Variants in SYCP2 observed in about 807,000 individuals in gnomAD.
SYCP2 encodes synaptonemal complex lateral element protein.
SYCP2 carries 55 observed loss-of-function variants against 211.3 expected under a neutral mutation model. That is an observed-to-expected ratio of 0.26 (90% confidence interval 0.21 to 0.33). SYCP2 has a LOEUF of 0.33. Among genes scored for constraint, SYCP2 ranks in the 10% least tolerant of loss-of-function variants. SYCP2 has a pLI of 1.00. For synonymous variants in SYCP2, 570 were observed against 555.2 expected, an observed-to-expected ratio of 1.03 and a Z score of -0.37; for missense variants, 1,731 against 1,752.0, an observed-to-expected ratio of 0.99 and a Z score of 0.21.
Position 59,886,988 on chromosome 20 carries a change from A to G in SYCP2, c.2365-154T>C, listed in dbSNP as rs1176602815. Among the ~76,000 whole-genome samples, 7 of 151,580 alleles carry G rather than the reference A, an allele frequency of 4.6e-5. No individual in the cohort carries two copies. In the East Asian group the frequency reaches 1.4e-3, roughly 29 times the overall value. The stretch of plus-strand genomic sequence containing the variant: ...CTGTTTAGTAAGTTTGAGCTTTGTT[A>G]GGCATTAAAATAAGATAATTTTTTT... On this transcript the variant is annotated intron_variant, in intron 24 of 44. Coordinates refer to ENST00000357552, the MANE Select transcript of SYCP2 (RefSeq NM_014258.4).
At chr20:59,879,911 C>T (rs547891701) in intron 31 of SYCP2, among the ~76,000 whole-genome samples, 23 of 147,728 alleles carry the variant, frequency 1.6e-4, no homozygotes, top group Non-Finnish European at 3.1e-4. Context: ...TATACACACA[C>T]ACACAAATGT....
intron 31 of SYCP2, among the ~76,000 whole-genome samples, chr20:59,879,848 T>C (rs942965403): frequency 4.8e-5 from 5 of 104,260 alleles, no homozygotes; most frequent in African/African-American, 2.2e-4. Context: ...TATATATATA[T>C]ATATATATAT....
Position 59,881,030 on chromosome 20 carries a change from CA to C in SYCP2, c.2715-8del. 3 of 1,452,884 alleles carry C rather than the reference CA, an allele frequency of 2.1e-6. No individual in the cohort carries two copies. The highest frequency in any genetic ancestry group is 1.8e-4 in the Middle Eastern group (1 of 5,654). 90.0% of individuals were successfully genotyped at this position (1,452,884 alleles called of 1,614,324 possible). On this transcript the variant is annotated splice_region_variant and splice_polypyrimidine_tract_variant and intron_variant, in intron 29 of 44. Transcript: ENST00000357552. ...ATGATTCCTTGGACCTACCCTTAAACAAAAATATGTATTAATTAAAAAATAC... is the reference window on the plus strand; with the variant it reads ...ATGATTCCTTGGACCTACCCTTAAACAAAATATGTATTAATTAAAAAATAC...
intron 18 of SYCP2, among the ~76,000 whole-genome samples, chr20:59,898,922 T>C (rs2060063446): frequency 1.3e-5 from 2 of 152,154 alleles, no homozygotes; most frequent in African/African-American, 4.8e-5. Context: ...GAATACATAC[T>C]ACAGTTTTAA....
At chr20:59,879,691 T>C (rs1265948988) in intron 31 of SYCP2, among the ~76,000 whole-genome samples, 2 of 150,506 alleles carry the variant, frequency 1.3e-5, no homozygotes, top group African/African-American at 4.8e-5. Context: ...TGTGGAAAAC[T>C]TAGACCCAAA....
rs148819194 is a variant in SYCP2, at chr20:59,868,547, C to A, written c.3854G>T (p.Arg1285Leu). ...HVSGPTQHLS[R>L]KRIYIEDNLS... is the part of the protein sequence containing the mutation. The stretch of plus-strand genomic sequence containing the variant: ...ATTATCTTCTATATATATTCTTTTG[C>A]GACTAAGATGTTGGGTGGGGCCTTA... Residue 1285 changes from arginine to leucine, a missense_variant, in exon 38 of 45, where the codon CGC (arginine) becomes CTC (leucine). Coordinates refer to ENST00000357552, the MANE Select transcript of SYCP2 (RefSeq NM_014258.4). The A allele has an allele frequency of 3.7e-6, 6 of 1,602,712 alleles. No individual in the cohort carries two copies. In the Admixed American group the frequency reaches 5.2e-5, roughly 14 times the overall value.
rs547082589 is a variant in SYCP2, at chr20:59,888,896, C to T, written c.2365-2062G>A. Among the ~76,000 whole-genome samples, 7 of 151,600 alleles carry T rather than the reference C, an allele frequency of 4.6e-5. No homozygotes were observed. The South Asian group carries it at 6.3e-4, about 14-fold the overall frequency. The stretch of plus-strand genomic sequence containing the variant: ...ACAATATAATTTACATTAGCACTGC[C>T]GAAAGAAATACTTAGATGTATATCT... On this transcript the variant is annotated intron_variant, in intron 24 of 44. Coordinates refer to ENST00000357552, the MANE Select transcript of SYCP2 (RefSeq NM_014258.4).
Position 59,865,754 on chromosome 20 carries a change from T to C in SYCP2, c.4379+53A>G, listed in dbSNP as rs1050799761. ...TTTAATTTTTCAAATAGAAATTTAT[T>C]AATTTAAAAATCTAATTTTATAGAT... On this transcript the variant is annotated intron_variant, in intron 42 of 44. Transcript: ENST00000357552. 4 of 1,113,380 alleles carry C rather than the reference T, an allele frequency of 3.6e-6. No homozygotes were observed. In the African/African-American group the frequency reaches 5.0e-5, roughly 14 times the overall value. 69.0% of individuals were successfully genotyped at this position (1,113,380 alleles called of 1,614,324 possible). A position where few individuals can be genotyped will look rare whatever the true frequency, so the allele number is the denominator to read the frequency against.
At position 59,881,509 on chromosome 20, in the gene SYCP2, C is replaced by CATTAA; in HGVS notation, c.2659-18_2659-17insTTAAT. The CATTAA allele has an allele frequency of 1.5e-6, 2 of 1,313,058 alleles. No homozygotes were observed. Among genetic ancestry groups the CATTAA allele is most frequent in the Non-Finnish European group, 2.0e-6 (2 of 985,464 alleles). 81.3% of individuals were successfully genotyped at this position (1,313,058 alleles called of 1,614,324 possible). ...CTCTTGGATCTATATTGTAAATAAA[C>CATTAA]AAAAAAAAAGAGGTGTCAGTGTCAA... On this transcript the variant is annotated splice_polypyrimidine_tract_variant and intron_variant, in intron 28 of 44. Transcript: ENST00000357552.
chr20:59,901,784 T>C lies in SYCP2; in HGVS notation c.1060A>G (p.Ile354Val). 6.2e-7 allele frequency: 1 copy of C among 1,601,496 alleles called. No individual in the cohort carries two copies. Among genetic ancestry groups the C allele is most frequent in the Non-Finnish European group, 8.5e-7 (1 of 1,174,678 alleles). Residue 354 changes from isoleucine (I) to valine (V), a missense_variant, in exon 16 of 45, where the codon ATA becomes GTA. By Grantham distance (29) the Ile-to-Val change is conservative (BLOSUM62 3). Around this residue, in one of 3 missense-constraint regions of SYCP2, gnomAD observed 1,387 missense variants for 1,351.3 expected, o/e 1.03. Coordinates refer to ENST00000357552, the MANE Select transcript of SYCP2 (RefSeq NM_014258.4). ...EVRESKKLLT[I>V]ILKNTVKISK... ...ATTTTTACTGTATTTTTCAGAATTA[T>C]TGTCAGTAGCTTCTTTGATTCTCTC... is the stretch of plus-strand genomic sequence containing the variant.
chr20:59,912,176 C>A, intron 13 of SYCP2, 197 bp downstream of exon 13: 2 of 429,740 alleles, frequency 4.7e-6, no homozygotes, highest in South Asian at 6.5e-5. Context: ...CTTTATTTTT[C>A]AGTTATTCTT....
At chr20:59,886,874 A>C (rs1421135161) in intron 24 of SYCP2, 40 bp from the exon 25 acceptor site, 2 of 1,485,624 alleles carry the variant, frequency 1.3e-6, no homozygotes, top group Non-Finnish European at 9.0e-7. Flanking sequence ...TCTACCAGTT[A>C]ATCTTTAAAG....
chr20:59,923,493 AT>A lies in SYCP2; in HGVS notation c.-46-1035del, dbSNP rs199617525. On this transcript the variant is annotated intron_variant, in intron 2 of 44. Coordinates refer to ENST00000357552, the MANE Select transcript of SYCP2 (RefSeq NM_014258.4). ...CCATCTCATTTTAATAATTATGGGAATTTTTTTTTTAAATATTGTATGTTAC... is the reference window on the plus strand; with the variant it reads ...CCATCTCATTTTAATAATTATGGGAATTTTTTTTTAAATATTGTATGTTAC... Among the ~76,000 whole-genome samples the A allele has an allele frequency of 3.4e-3, 512 of 150,436 alleles. 1 individual carries two copies. Among genetic ancestry groups the A allele is most frequent in the African/African-American group, 0.01 (427 of 41,090 alleles).
chr20:59,896,661 C>A, intron 18 of SYCP2, 133 bp from the exon 19 acceptor site: 1 of 553,074 alleles, frequency 1.8e-6, no homozygotes, highest in African/African-American at 1.9e-5. Flanking sequence ...ACACAATATT[C>A]ATAAATTTCC....
At chr20:59,926,400 C>CT in intron 2 of SYCP2, among the ~76,000 whole-genome samples, 1 of 152,144 alleles carries the variant, frequency 6.6e-6, no homozygotes, top group Admixed American at 6.6e-5. Context: ...TGCCGACATT[C>CT]TTTGACTTGT....
intron 44 of SYCP2, 83 bp downstream of exon 44, chr20:59,865,305 G>T: frequency 9.3e-7 from 1 of 1,072,622 alleles, no homozygotes; most frequent in Non-Finnish European, 1.4e-6. Context: ...GAAAAAGAAA[G>T]ACATAAAAGC....
intron 16 of SYCP2, 85 bp from the exon 17 acceptor site, chr20:59,900,903 AATT>A: frequency 9.6e-7 from 1 of 1,036,620 alleles, no homozygotes; most frequent in Non-Finnish European, 1.4e-6. Context: ...CATTTAATGT[AATT>A]ATTTCCTGTT....
chr20:59,904,018 GT>G (rs2060167201), intron 15 of SYCP2, among the ~76,000 whole-genome samples: 1 of 152,168 alleles, frequency 6.6e-6, no homozygotes, highest in South Asian at 2.1e-4. Flanking sequence ...TGCTAATTCT[GT>G]TTGTAGGCTT....
At chr20:59,899,589 G>C (rs753264795) in intron 18 of SYCP2, among the ~76,000 whole-genome samples, 3 of 152,258 alleles carry the variant, frequency 2.0e-5, no homozygotes, top group Non-Finnish European at 4.4e-5. Context: ...TGTAGTAATA[G>C]AAGCAGAAAG....
Sources: allele counts gnomAD v4.1 joint callset (sites outside exome capture counted in the v4.1 genomes callset), GRCh38; gene constraint gnomAD v4.1.1; regional missense constraint gnomAD v4.1.1; transcripts MANE v1.5; gene names NCBI Gene and HGNC (gene_info 2026-07-23, HGNC 2026-07-21).